Variants in MYO18B observed in about 807,000 individuals in gnomAD.
MYO18B encodes the protein unconventional myosin-XVIIIb.
Under a neutral mutation model 273.0 loss-of-function variants are expected in MYO18B, and 204 were observed. That is an observed-to-expected ratio of 0.75 (90% CI 0.67 to 0.84). The LOEUF is 0.84. Among genes scored for constraint, MYO18B ranks in the 40% least tolerant of loss-of-function variants. The pLI is 0.00. For synonymous variants in MYO18B, 1,330 were observed against 1,305.7 expected (o/e 1.02, Z -0.40); for missense variants, 3,212 against 3,287.6 (o/e 0.98, Z 0.56).
intron 7 of MYO18B, among the ~76,000 whole-genome samples, chr22:25,775,158 C>T (rs996927537): frequency 1.3e-5 from 2 of 152,226 alleles, no homozygotes; most frequent in African/African-American, 4.8e-5. Context: ...GACTGAGACC[C>T]CAGGACCCTC....
intron 6 of MYO18B, among the ~76,000 whole-genome samples, chr22:25,771,401 G>A (rs2086715196): frequency 6.6e-6 from 1 of 152,168 alleles, no homozygotes; most frequent in South Asian, 2.1e-4. Flanking sequence ...ATTAACCATA[G>A]CATAGGTTCT....
In MYO18B at chr22:25,869,673, A is replaced by G. The variant is rs146097860; in HGVS notation, c.3951+1288A>G. On this transcript the variant is annotated intron_variant, in intron 22 of 43. Transcript: ENST00000335473. ...GGGTTCTGCTCTCCAGGAGCCCACC[A>G]GGGTGGCATTATTGGCTATTTGTAC... 3.6e-3 allele frequency among the ~76,000 whole-genome samples: 546 copies of G among 152,162 alleles called. 4 individuals are homozygous for G. The highest frequency in any genetic ancestry group is 0.012 in the African/African-American group (514 of 41,518).
chr22:25,992,987 C>T (rs1601780042), intron 40 of MYO18B, among the ~76,000 whole-genome samples: 1 of 152,130 alleles, frequency 6.6e-6, no homozygotes, highest in East Asian at 1.9e-4. Context: ...TAAGTGGAAG[C>T]TATGTTTGTA....
intron 3 of MYO18B, among the ~76,000 whole-genome samples, chr22:25,767,637 A>T (rs779448156): frequency 6.6e-6 from 1 of 152,166 alleles, no homozygotes; most frequent in Non-Finnish European, 1.5e-5. Context: ...CCTTTCCTGG[A>T]TCCCCTACTC....
At chr22:25,829,613 C>T (rs760115235) in intron 15 of MYO18B, among the ~76,000 whole-genome samples, 23 of 151,754 alleles carry the variant, frequency 1.5e-4, no homozygotes, top group African/African-American at 1.9e-4. Context: ...CCGAGGCGGG[C>T]GGATCACCTG....
chr22:25,762,110 GAA>G (rs113144865), intron 2 of MYO18B, among the ~76,000 whole-genome samples: 1,548 of 111,730 alleles, frequency 0.014, 24 homozygotes, highest in African/African-American at 0.045. Context: ...TCTCAAAAAA[GAA>G]AAAAAAAAAA....
At chr22:25,763,129 T>G in intron 2 of MYO18B, 102 bp from the exon 3 acceptor site, 1 of 1,395,522 alleles carries the variant, frequency 7.2e-7, no homozygotes, top group Non-Finnish European at 1.0e-6. Flanking sequence ...GTCATGTATG[T>G]CTCCTCCGCC....
At position 25,780,055 on chromosome 22, in the gene MYO18B, G is replaced by C; in HGVS notation, c.2069-1G>C. 1 of 1,587,626 alleles carries C rather than the reference G, an allele frequency of 6.3e-7. No homozygotes were observed. The highest frequency in any genetic ancestry group is 1.1e-5 in the South Asian group (1 of 87,194). ...ATGTGGCCCCATGCTGCCCCCAACAGTGGAGAAGATCCGAGCCACCTTCAC... is the reference window on the plus strand; with the variant it reads ...ATGTGGCCCCATGCTGCCCCCAACACTGGAGAAGATCCGAGCCACCTTCAC... On this transcript the variant is annotated splice_acceptor_variant, in intron 8 of 43. Coordinates refer to ENST00000335473, the MANE Select transcript of MYO18B (RefSeq NM_032608.7). LOFTEE classifies it high-confidence loss of function.
At position 25,797,935 on chromosome 22, in the gene MYO18B, C is replaced by G. The variant is rs374274167; in HGVS notation, c.2377-18C>G. 4.3e-6 allele frequency: 7 copies of G among 1,614,046 alleles called. No homozygotes were observed. Among genetic ancestry groups the G allele is most frequent in the Non-Finnish European group, 5.9e-6 (7 of 1,179,900 alleles). ...ATCGCGATGGCCTTGTTTTCTTCCT[C>G]TCTCCCTTTGCCCGCAGCCTGAAGA... On this transcript the variant is annotated intron_variant, in intron 11 of 43. Transcript: ENST00000335473.
intron 34 of MYO18B, among the ~76,000 whole-genome samples, chr22:25,928,530 G>A (rs8141169): frequency 0.015 from 2,234 of 152,014 alleles, 56 homozygotes; most frequent in African/African-American, 0.051. Context: ...AGATGGGCAG[G>A]CACCCCCTCT....
intron 12 of MYO18B, among the ~76,000 whole-genome samples, chr22:25,817,349 CT>C (rs1262961558): frequency 1.4e-5 from 2 of 147,152 alleles, no homozygotes; most frequent in Non-Finnish European, 3.0e-5. Context: ...TTCTCTCTTT[CT>C]TTCTTTCTCT....
At chr22:26,023,490 C>CTCCTCCTCT (rs1158795405) in intron 42 of MYO18B, among the ~76,000 whole-genome samples, 7 of 150,918 alleles carry the variant, frequency 4.6e-5, no homozygotes, top group Non-Finnish European at 1.0e-4. Context: ...CCTCCTCCTC[C>CTCCTCCTCT]TCCTCTACCT....
intron 10 of MYO18B, among the ~76,000 whole-genome samples, chr22:25,782,110 T>G (rs2087187690): frequency 6.6e-6 from 1 of 151,978 alleles, no homozygotes; most frequent in African/African-American, 2.4e-5. Context: ...TAATTTACAT[T>G]CAGCTCTTTA....
intron 1 of MYO18B, among the ~76,000 whole-genome samples, chr22:25,751,863 C>T (rs1327139365): frequency 2.0e-5 from 3 of 152,212 alleles, no homozygotes; most frequent in South Asian, 2.1e-4. Flanking sequence ...GTCTTCAGTC[C>T]GGTTTTAACC....
rs141207508 is a variant in MYO18B, at chr22:26,020,946, T to C, written c.6471-5499T>C. Among the ~76,000 whole-genome samples, 579 of 152,122 alleles carry C rather than the reference T, an allele frequency of 3.8e-3. 7 individuals carry two copies. Among genetic ancestry groups the C allele is most frequent in the African/African-American group, 0.013 (558 of 41,530 alleles). On this transcript the variant is annotated intron_variant, in intron 42 of 43. Transcript: ENST00000335473. ...TCTACTAAAAATACAAAAATTAGCC[T>C]GGCATGGTGGTGTGCACCTGTAATC...
chr22:25,802,200 GAACACACTT>G (rs1045494506), intron 12 of MYO18B, among the ~76,000 whole-genome samples: 2 of 152,134 alleles, frequency 1.3e-5, no homozygotes, highest in Non-Finnish European at 2.9e-5. Context: ...CAGGATTCAA[GAACACACTT>G]TACTTACAAC....
intron 17 of MYO18B, among the ~76,000 whole-genome samples, chr22:25,836,478 C>T (rs561759748): frequency 2.6e-5 from 4 of 152,114 alleles, no homozygotes; most frequent in Non-Finnish European, 4.4e-5. Flanking sequence ...GAGCAGCATA[C>T]GCAGCTTTAT....
At chr22:26,004,966 T>C in intron 42 of MYO18B, 111 bp downstream of exon 42, 2 of 1,414,108 alleles carry the variant, frequency 1.4e-6, no homozygotes, top group Non-Finnish European at 1.9e-6. Context: ...AAAACAAGCA[T>C]GGTCCTGAAA....
At chr22:25,834,290 G>A (rs969094356) in intron 16 of MYO18B, among the ~76,000 whole-genome samples, 2 of 152,032 alleles carry the variant, frequency 1.3e-5, no homozygotes, top group African/African-American at 4.8e-5. Flanking sequence ...GGGATTACAG[G>A]CATGCACCAC....
Sources: allele counts gnomAD v4.1 joint callset (sites outside exome capture counted in the v4.1 genomes callset), GRCh38; gene constraint gnomAD v4.1.1; transcripts MANE v1.5; gene names NCBI Gene and HGNC (gene_info 2026-07-23, HGNC 2026-07-21).